Variants in ZFPM2 observed in about 807,000 individuals in gnomAD.
ZFPM2 encodes zinc finger protein ZFPM2.
A neutral mutation model predicts 98.6 loss-of-function variants in ZFPM2; 20 were observed. The ratio of observed to expected loss-of-function variants is 0.20; its 90% confidence interval spans 0.14 to 0.29. The LOEUF is 0.29. ZFPM2 is among the 10% of genes least tolerant of loss of function. The pLI is 1.00. For missense variants in ZFPM2, 1,310 were observed against 1,388.6 expected (o/e 0.94, Z 0.90); for synonymous variants, 518 against 502.7 (o/e 1.03, Z -0.41).
At chr8:105,791,225 G>C (rs1430903391) in intron 6 of ZFPM2, among the ~76,000 whole-genome samples, 3 of 151,414 alleles carry the variant, frequency 2.0e-5, no homozygotes, top group South Asian at 2.1e-4. Context: ...TTGGCTGTGG[G>C]TTTGTCATAG....
At chr8:105,779,933 G>T (rs1167423650) in intron 5 of ZFPM2, among the ~76,000 whole-genome samples, 1 of 152,188 alleles carries the variant, frequency 6.6e-6, no homozygotes, top group African/African-American at 2.4e-5. Flanking sequence ...ATCAAAACTT[G>T]TAGTACACGT....
At chr8:105,652,969 G>A (rs10091602) in intron 5 of ZFPM2, among the ~76,000 whole-genome samples, 70,114 of 151,440 alleles carry the variant, frequency 0.46, 16,345 homozygotes, top group African/African-American at 0.52. Context: ...AAATTATGAA[G>A]TTTTTCAATC....
chr8:105,390,934 T>C (rs1811094562), intron 1 of ZFPM2, among the ~76,000 whole-genome samples: 1 of 152,150 alleles, frequency 6.6e-6, no homozygotes, highest in Non-Finnish European at 1.5e-5. Flanking sequence ...AAGATATTGA[T>C]GAAACACATG....
chr8:105,632,921 A>C (rs1816779659), intron 4 of ZFPM2, among the ~76,000 whole-genome samples: 1 of 152,138 alleles, frequency 6.6e-6, no homozygotes, highest in African/African-American at 2.4e-5. Context: ...ACTTCTTTTT[A>C]AATCCATCAT....
intron 5 of ZFPM2, among the ~76,000 whole-genome samples, chr8:105,696,611 C>T (rs1811025215): frequency 6.6e-6 from 1 of 152,096 alleles, no homozygotes; most frequent in Non-Finnish European, 1.5e-5. Context: ...CAATAGCATT[C>T]GCATAGCTGC....
chr8:105,441,936 A>G (rs1326648515), intron 2 of ZFPM2, among the ~76,000 whole-genome samples: 9 of 152,156 alleles, frequency 5.9e-5, no homozygotes, highest in African/African-American at 2.4e-5. Flanking sequence ...AAAATGGGGC[A>G]CAGAAGATAA....
chr8:105,605,880 G>A (rs1371755343), intron 4 of ZFPM2, among the ~76,000 whole-genome samples: 2 of 152,008 alleles, frequency 1.3e-5, no homozygotes, highest in Non-Finnish European at 1.5e-5. Context: ...TTAGATTGGA[G>A]GCTATGTTCT....
In ZFPM2 at chr8:105,651,426, C is replaced by T. The variant is rs531234027; in HGVS notation, c.532+17069C>T. 6.6e-4 allele frequency among the ~76,000 whole-genome samples: 99 copies of T among 150,552 alleles called. No homozygotes were observed. In the Middle Eastern group the frequency reaches 0.01, roughly 16 times the overall value. ...GAGGTTGCAGTGAGCTGAAATTGCACCACTGCACTCTAGCCTGGGTGACAG... is the reference window on the plus strand; with the variant it reads ...GAGGTTGCAGTGAGCTGAAATTGCATCACTGCACTCTAGCCTGGGTGACAG... On this transcript the variant is annotated intron_variant, in intron 5 of 7. Transcript: ENST00000407775.
intron 4 of ZFPM2, among the ~76,000 whole-genome samples, chr8:105,631,777 G>A (rs984607075): frequency 3.6e-4 from 54 of 152,034 alleles, no homozygotes; most frequent in African/African-American, 1.2e-3. Flanking sequence ...GGAAGATTAT[G>A]GTTTTGGAAA....
At chr8:105,523,554 A>G (rs2130556536) in intron 3 of ZFPM2, among the ~76,000 whole-genome samples, 1 of 152,318 alleles carries the variant, frequency 6.6e-6, no homozygotes, top group African/African-American at 2.4e-5. Context: ...CTTTTTAGAC[A>G]TCAAGAATCA....
intron 3 of ZFPM2, among the ~76,000 whole-genome samples, chr8:105,524,883 C>T (rs981704246): frequency 1.3e-5 from 2 of 152,070 alleles, no homozygotes; most frequent in African/African-American, 4.8e-5. Context: ...GTGTTTAAAA[C>T]AAGTGTCTCA....
At chr8:105,797,610 CCG>C (rs1813871886) in intron 6 of ZFPM2, among the ~76,000 whole-genome samples, 1 of 152,202 alleles carries the variant, frequency 6.6e-6, no homozygotes, top group African/African-American at 2.4e-5. Context: ...CTATCATGCT[CCG>C]TGCCTCAACA....
chr8:105,488,132 C>T (rs920391853), intron 3 of ZFPM2, among the ~76,000 whole-genome samples: 1 of 152,030 alleles, frequency 6.6e-6, no homozygotes, highest in Non-Finnish European at 1.5e-5. Context: ...CATAATCAAT[C>T]GAAGTTCACA....
chr8:105,657,047 G>A (rs1817299707), intron 5 of ZFPM2, among the ~76,000 whole-genome samples: 2 of 152,126 alleles, frequency 1.3e-5, no homozygotes, highest in African/African-American at 4.8e-5. Context: ...ATTGGTTTAG[G>A]AAGCAATGAA....
Position 105,555,165 on chromosome 8 carries a change from A to G in ZFPM2, c.302-6198A>G, listed in dbSNP as rs1293047599. ...TATGCATTATCAAGAAGATAAGAGA[A>G]ACAGCCCTGAGCACTAACAATATTA... is the stretch of plus-strand genomic sequence containing the variant. On this transcript the variant is annotated intron_variant, in intron 3 of 7. Transcript: ENST00000407775. Among the ~76,000 whole-genome samples the G allele has an allele frequency of 2.0e-5, 3 of 152,180 alleles. No individual in the cohort carries two copies. The East Asian group carries it at 5.8e-4, about 29-fold the overall frequency.
rs138546265 is a variant in ZFPM2, at chr8:105,669,312, A to G, written c.532+34955A>G. ...AATTCTCATAGCTCTAGGTCTTATT[A>G]CTAAATACTCAGTACATTTTAATTT... On this transcript the variant is annotated intron_variant, in intron 5 of 7. Transcript: ENST00000407775. Among the ~76,000 whole-genome samples, 239 of 152,046 alleles carry G rather than the reference A, an allele frequency of 1.6e-3. 2 individuals carry two copies. The highest frequency in any genetic ancestry group is 5.4e-3 in the African/African-American group (226 of 41,488).
At chr8:105,708,830 A>C (rs566400698) in intron 5 of ZFPM2, among the ~76,000 whole-genome samples, 68 of 152,294 alleles carry the variant, frequency 4.5e-4, no homozygotes, top group South Asian at 1.0e-3. Context: ...AAAACCCATT[A>C]TTTTGGCAAA....
chr8:105,380,768 T>C (rs1361507969), intron 1 of ZFPM2, among the ~76,000 whole-genome samples: 1 of 35,422 alleles, frequency 2.8e-5, no homozygotes, highest in African/African-American at 1.2e-4. Context: ...ACATATATAA[T>C]ATATACACAT....
chr8:105,793,235 T>C (rs541444333), intron 6 of ZFPM2, among the ~76,000 whole-genome samples: 1 of 152,304 alleles, frequency 6.6e-6, no homozygotes, highest in South Asian at 2.1e-4. Context: ...AGTTGTTCCT[T>C]TCCATGTTTA....
Sources: allele counts gnomAD v4.1 joint callset (sites outside exome capture counted in the v4.1 genomes callset), GRCh38; gene constraint gnomAD v4.1.1; transcripts MANE v1.5; gene names NCBI Gene and HGNC (gene_info 2026-07-23, HGNC 2026-07-21).